DACH1: variants seen among roughly 807,000 people sequenced by gnomAD.
DACH1 encodes the protein dachshund homolog 1.
Under a neutral mutation model 54.2 loss-of-function variants are expected in DACH1, and 12 were observed. The observed-to-expected ratio is 0.22, with a 90% confidence interval of 0.14 to 0.36. The LOEUF is 0.36. Ranked by LOEUF, DACH1 falls within the 10% of genes least tolerant of loss-of-function variation. The pLI is 1.00. For missense variants in DACH1, 805 were observed against 929.8 expected, an observed-to-expected ratio of 0.87 and a Z score of 1.75; for synonymous variants, 386 against 366.2, an observed-to-expected ratio of 1.05 and a Z score of -0.62.
At chr13:71,604,571 T>C (rs1438254995) in intron 3 of DACH1, among the ~76,000 whole-genome samples, 6 of 151,886 alleles carry the variant, frequency 4.0e-5, no homozygotes, top group African/African-American at 1.2e-4. Flanking sequence ...CTTCCAATAA[T>C]ATGGTCTTTT....
At chr13:71,700,226 T>C (rs1315201549) in intron 1 of DACH1, among the ~76,000 whole-genome samples, 2 of 151,650 alleles carry the variant, frequency 1.3e-5, no homozygotes, top group African/African-American at 2.4e-5. Context: ...AAGAAAAAAA[T>C]TGATCTTAGT....
chr13:71,656,138 C>A (rs1181024443), intron 2 of DACH1, among the ~76,000 whole-genome samples: 3 of 151,974 alleles, frequency 2.0e-5, no homozygotes, highest in African/African-American at 7.2e-5. Flanking sequence ...TTATTTAATT[C>A]AGTCCAGTCC....
intron 3 of DACH1, among the ~76,000 whole-genome samples, chr13:71,603,552 G>C (rs1874660279): frequency 6.6e-6 from 1 of 151,936 alleles, no homozygotes; most frequent in Non-Finnish European, 1.5e-5. Flanking sequence ...TCTCTGCAGA[G>C]TTGTGATAGC....
At chr13:71,650,357 G>A (rs1468700606) in intron 2 of DACH1, among the ~76,000 whole-genome samples, 1 of 152,092 alleles carries the variant, frequency 6.6e-6, no homozygotes, top group Non-Finnish European at 1.5e-5. Flanking sequence ...TATTACAGCA[G>A]CAAGAAGTAT....
At chr13:71,725,859 G>A (rs950504748) in intron 1 of DACH1, among the ~76,000 whole-genome samples, 1 of 152,204 alleles carries the variant, frequency 6.6e-6, no homozygotes. Flanking sequence ...AAGCTGCATG[G>A]TTTATAAAGG....
intron 10 of DACH1, among the ~76,000 whole-genome samples, chr13:71,460,821 T>C (rs1296884406): frequency 1.3e-5 from 2 of 152,064 alleles, no homozygotes; most frequent in Non-Finnish European, 1.5e-5. Context: ...TGGTAACCCT[T>C]GGAAAGTAAG....
At chr13:71,788,590 C>CCA (rs951935624) in intron 1 of DACH1, among the ~76,000 whole-genome samples, 1 of 151,826 alleles carries the variant, frequency 6.6e-6, no homozygotes, top group Non-Finnish European at 1.5e-5. Context: ...ACATACCCCC[C>CCA]CACACACACA....
At chr13:71,732,069 A>T (rs1883775403) in intron 1 of DACH1, among the ~76,000 whole-genome samples, 1 of 152,212 alleles carries the variant, frequency 6.6e-6, no homozygotes, top group Non-Finnish European at 1.5e-5. Context: ...TATTTGATCT[A>T]TCATTCCAGC....
At chr13:71,674,847 A>G (rs1372003248) in intron 2 of DACH1, among the ~76,000 whole-genome samples, 1 of 132,316 alleles carries the variant, frequency 7.6e-6, no homozygotes, top group Admixed American at 7.8e-5. Context: ...CAAAGGGAAC[A>G]TGTACTAAGT....
intron 6 of DACH1, among the ~76,000 whole-genome samples, chr13:71,530,639 A>G (rs1412494310): frequency 2.0e-5 from 3 of 152,120 alleles, no homozygotes; most frequent in Non-Finnish European, 2.9e-5. Flanking sequence ...TTCTCTTGGT[A>G]ATTTACAGAC....
chr13:71,488,433 C>T (rs1295036328), intron 7 of DACH1, among the ~76,000 whole-genome samples: 1 of 152,108 alleles, frequency 6.6e-6, no homozygotes, highest in African/African-American at 2.4e-5. Flanking sequence ...ATAAAATATA[C>T]ATCCTGAGGA....
chr13:71,501,953 T>C (rs1309663488), intron 6 of DACH1, among the ~76,000 whole-genome samples: 1 of 152,134 alleles, frequency 6.6e-6, no homozygotes, highest in Non-Finnish European at 1.5e-5. Context: ...CCAATGTAAC[T>C]CAACTAGGAA....
intron 1 of DACH1, among the ~76,000 whole-genome samples, chr13:71,789,767 T>A (rs969179994): frequency 5.3e-5 from 8 of 152,146 alleles, no homozygotes; most frequent in Non-Finnish European, 1.2e-4. Context: ...ATATTGCAAC[T>A]GAATTAGAAT....
At chr13:71,777,844 T>G (rs963637023) in intron 1 of DACH1, among the ~76,000 whole-genome samples, 3 of 151,974 alleles carry the variant, frequency 2.0e-5, no homozygotes, top group African/African-American at 7.3e-5. Context: ...AGGCCAGGTG[T>G]GGTGGCTCAC....
chr13:71,644,572 C>T (rs1032444657), intron 2 of DACH1, among the ~76,000 whole-genome samples: 1 of 152,178 alleles, frequency 6.6e-6, no homozygotes, highest in Admixed American at 6.5e-5. Context: ...TACCTCAGAT[C>T]TTCCGCAAGA....
At chr13:71,700,425 G>A (rs1882066903) in intron 1 of DACH1, among the ~76,000 whole-genome samples, 2 of 151,826 alleles carry the variant, frequency 1.3e-5, no homozygotes, top group Non-Finnish European at 2.9e-5. Flanking sequence ...GGGTGGTGAC[G>A]CACGGCTGTA....
rs187041711 is a variant in DACH1 at position 71,633,891 on chromosome 13, G to T, written c.965-3174C>A. ...AGAGTCCTGCTCAATATAATAGCAC[G>T]TCCCCCATCTCCAATCTCTTACTAT... is the stretch of plus-strand genomic sequence containing the variant. On this transcript the variant is annotated intron_variant, in intron 2 of 10. Transcript: ENST00000613252. Among the ~76,000 whole-genome samples the T allele has an allele frequency of 3.5e-3, 524 of 151,434 alleles. 2 individuals are homozygous for T. The highest frequency in any genetic ancestry group is 0.012 in the African/African-American group (492 of 41,288).
chr13:71,795,390 G>A (rs1431759161), intron 1 of DACH1, among the ~76,000 whole-genome samples: 2 of 151,896 alleles, frequency 1.3e-5, no homozygotes, highest in East Asian at 1.9e-4. Flanking sequence ...TTCTGGATTC[G>A]TTCCTCTCCT....
chr13:71,691,832 T>A (rs1487225794), intron 1 of DACH1, among the ~76,000 whole-genome samples: 1 of 152,130 alleles, frequency 6.6e-6, no homozygotes, highest in Non-Finnish European at 1.5e-5. Flanking sequence ...CATCGATACA[T>A]AGAGAATTAC....
Sources: allele counts gnomAD v4.1 joint callset (sites outside exome capture counted in the v4.1 genomes callset), GRCh38; gene constraint gnomAD v4.1.1; transcripts MANE v1.5; gene names NCBI Gene and HGNC (gene_info 2026-07-23, HGNC 2026-07-21).